The following CAMTA1 variants were observed in gnomAD, a reference collection of about 807,000 sequenced individuals.
CAMTA1 encodes the protein calmodulin-binding transcription activator 1.
In CAMTA1, 27 loss-of-function variants were observed where a neutral mutation model predicts 170.9. That is an observed-to-expected ratio of 0.16 (90% CI 0.12 to 0.22). The LOEUF (loss-of-function observed/expected upper bound fraction) is 0.22. CAMTA1 is among the 10% of genes least tolerant of loss of function. The pLI is 1.00. For missense variants in CAMTA1, 1,619 were observed against 2,217.2 expected, an observed-to-expected ratio of 0.73 and a Z score of 5.42; for synonymous variants, 833 against 891.5, an observed-to-expected ratio of 0.93 and a Z score of 1.17.
chr1:7,402,772 A>C (rs1056494868), intron 5 of CAMTA1, among the ~76,000 whole-genome samples: 1 of 152,138 alleles, frequency 6.6e-6, no homozygotes, highest in African/African-American at 2.4e-5. Flanking sequence ...CACAGGACCT[A>C]ACTTTTGAAA....
intron 3 of CAMTA1, among the ~76,000 whole-genome samples, chr1:6,837,898 A>G (rs1015101390): frequency 1.3e-5 from 2 of 152,142 alleles, no homozygotes; most frequent in Non-Finnish European, 2.9e-5. Context: ...GTGAGGCATA[A>G]GTGTTTTGGA....
intron 5 of CAMTA1, among the ~76,000 whole-genome samples, chr1:7,387,330 C>T (rs1209715237): frequency 2.6e-5 from 4 of 152,192 alleles, no homozygotes; most frequent in East Asian, 3.8e-4. Context: ...CACCACCACA[C>T]AGCCACCCCA....
intron 5 of CAMTA1, among the ~76,000 whole-genome samples, chr1:7,418,300 A>G (rs538038255): frequency 6.6e-6 from 1 of 152,122 alleles, no homozygotes; most frequent in South Asian, 2.1e-4. Flanking sequence ...GGTTCAAGTG[A>G]TTCTTCTGCC....
intron 1 of CAMTA1, among the ~76,000 whole-genome samples, chr1:6,815,677 G>T (rs1645714940): frequency 6.6e-6 from 1 of 152,180 alleles, no homozygotes; most frequent in Non-Finnish European, 1.5e-5. Context: ...AGGAATGTTA[G>T]GATTGGAAGG....
At chr1:6,907,801 C>A (rs1321548396) in intron 3 of CAMTA1, among the ~76,000 whole-genome samples, 2 of 152,102 alleles carry the variant, frequency 1.3e-5, no homozygotes, top group Admixed American at 6.5e-5. Flanking sequence ...GGGGCCCTTC[C>A]TGTCCAGCCC....
At chr1:7,658,013 C>G (rs1430476129) in intron 7 of CAMTA1, among the ~76,000 whole-genome samples, 2 of 152,242 alleles carry the variant, frequency 1.3e-5, no homozygotes, top group African/African-American at 2.4e-5. Context: ...CAGAGGGGAC[C>G]CTGATCTGAA....
chr1:7,552,715 C>T (rs1174447718), intron 6 of CAMTA1, among the ~76,000 whole-genome samples: 2 of 152,240 alleles, frequency 1.3e-5, no homozygotes, highest in East Asian at 3.8e-4. Context: ...GGCTCTGGAG[C>T]AGCCCGCCCA....
chr1:6,801,525 A>G (rs1391051489), intron 1 of CAMTA1, among the ~76,000 whole-genome samples: 1 of 152,190 alleles, frequency 6.6e-6, no homozygotes, highest in Non-Finnish European at 1.5e-5. Flanking sequence ...TTGTTTAATA[A>G]AAATAAAAAA....
chr1:7,556,324 A>G (rs962899919), intron 6 of CAMTA1, among the ~76,000 whole-genome samples: 19 of 152,150 alleles, frequency 1.2e-4, no homozygotes, highest in African/African-American at 3.9e-4. Context: ...GTCCTTTGCT[A>G]TCTCTAGGAA....
intron 6 of CAMTA1, among the ~76,000 whole-genome samples, chr1:7,487,845 C>G (rs887158228): frequency 6.6e-6 from 1 of 152,186 alleles, no homozygotes; most frequent in Non-Finnish European, 1.5e-5. Flanking sequence ...TCCCCTCTGT[C>G]CAGGTTCTTT....
At chr1:6,962,425 G>C (rs1690608024) in intron 3 of CAMTA1, among the ~76,000 whole-genome samples, 1 of 126,178 alleles carries the variant, frequency 7.9e-6, no homozygotes. Context: ...CCTCTTCCCC[G>C]GGCCCACCCT....
At chr1:7,154,587 G>A (rs958308449) in intron 4 of CAMTA1, among the ~76,000 whole-genome samples, 7 of 152,186 alleles carry the variant, frequency 4.6e-5, no homozygotes, top group Non-Finnish European at 7.3e-5. Context: ...TGTCCTGTGC[G>A]TGTGATACTT....
Position 7,769,034 on chromosome 1 carries a change from A to G in CAMTA1, c.*2543A>G, listed in dbSNP as rs991059995. The G allele has an allele frequency of 2.6e-5, 4 of 152,464 alleles. No individual in the cohort carries two copies. The highest frequency in any genetic ancestry group is 5.9e-5 in the Non-Finnish European group (4 of 68,016). 9.4% of individuals were successfully genotyped at this position (152,464 alleles called of 1,614,324 possible). On this transcript the variant is annotated 3_prime_UTR_variant, in exon 23 of 23. Coordinates refer to ENST00000303635, the MANE Select transcript of CAMTA1 (RefSeq NM_015215.4). The stretch of plus-strand genomic sequence containing the variant: ...TTTTTAATGTTTCACATGTTACATT[A>G]TTAGCTGAATACGTTAGAAAATGAC...
chr1:7,205,122 C>T (rs1175919773), intron 4 of CAMTA1, among the ~76,000 whole-genome samples: 1 of 151,836 alleles, frequency 6.6e-6, no homozygotes, highest in African/African-American at 2.4e-5. Flanking sequence ...AGCCACCGCG[C>T]CCGGCCCAGA....
chr1:6,991,865 T>G (rs1440671166), intron 3 of CAMTA1, among the ~76,000 whole-genome samples: 1 of 150,784 alleles, frequency 6.6e-6, no homozygotes, highest in African/African-American at 2.4e-5. Context: ...TACCTGGCTA[T>G]TTTTTTTTGT....
intron 5 of CAMTA1, among the ~76,000 whole-genome samples, chr1:7,348,080 A>T (rs1193916019): frequency 6.6e-6 from 1 of 152,144 alleles, no homozygotes; most frequent in African/African-American, 2.4e-5. Flanking sequence ...GGGACTGACC[A>T]GGGGCTGTGC....
At chr1:7,334,726 G>A (rs774388128) in intron 5 of CAMTA1, among the ~76,000 whole-genome samples, 2 of 152,210 alleles carry the variant, frequency 1.3e-5, no homozygotes, top group East Asian at 3.8e-4. Context: ...TGGCAGCAGA[G>A]ATGGAAGAGG....
intron 7 of CAMTA1, among the ~76,000 whole-genome samples, chr1:7,656,568 GA>G (rs1287687901): frequency 2.6e-5 from 4 of 152,232 alleles, no homozygotes; most frequent in Non-Finnish European, 4.4e-5. Context: ...CATGACAGAG[GA>G]AAATAGGACG....
At chr1:7,280,429 C>G (rs1043058740) in intron 5 of CAMTA1, among the ~76,000 whole-genome samples, 1 of 152,206 alleles carries the variant, frequency 6.6e-6, no homozygotes, top group African/African-American at 2.4e-5. Flanking sequence ...AAGTCTATGA[C>G]CTTAAGAAGA....
Sources: allele counts gnomAD v4.1 joint callset (sites outside exome capture counted in the v4.1 genomes callset), GRCh38; gene constraint gnomAD v4.1.1; transcripts MANE v1.5; gene names NCBI Gene and HGNC (gene_info 2026-07-23, HGNC 2026-07-21).